Variants in SLC7A2 observed in about 807,000 individuals in gnomAD.
SLC7A2 encodes solute carrier family 7 member 2, also known as cationic amino acid transporter 2.
Under a neutral mutation model 58.9 loss-of-function variants are expected in SLC7A2, and 48 were observed. The observed-to-expected ratio is 0.82, with a 90% CI of 0.65 to 1.04. SLC7A2 has a LOEUF of 1.04. Ranked by LOEUF, SLC7A2 falls within the 50% of genes least tolerant of loss-of-function variation. The probability of loss-of-function intolerance (pLI) is 0.00; values close to 1 mark genes in which losing one functional copy is unlikely to be tolerated. For synonymous variants in SLC7A2, 363 were observed against 314.5 expected (o/e 1.15, Z -1.63); for missense variants, 1,029 against 818.8 (o/e 1.26, Z -3.13).
intron 9 of SLC7A2, among the ~76,000 whole-genome samples, chr8:17,559,710 G>A (rs1055566675): frequency 1.3e-5 from 2 of 152,186 alleles, no homozygotes; most frequent in Non-Finnish European, 2.9e-5. Flanking sequence ...TGGGGATTAT[G>A]GGAACTACAA....
intron 2 of SLC7A2, among the ~76,000 whole-genome samples, chr8:17,509,606 A>G (rs2517230): frequency 2.0e-5 from 3 of 152,056 alleles, no homozygotes; most frequent in Non-Finnish European, 4.4e-5. Context: ...ACGCCCAACA[A>G]TTTCTTTATT....
intron 2 of SLC7A2, among the ~76,000 whole-genome samples, chr8:17,533,663 C>A (rs541604037): frequency 4.6e-5 from 7 of 152,204 alleles, no homozygotes; most frequent in Non-Finnish European, 8.8e-5. Flanking sequence ...TTCTTATACT[C>A]CACTACCCTC....
Position 17,498,045 on chromosome 8 carries a change from GC to G in SLC7A2, c.-69+810del, listed in dbSNP as rs373510709. On this transcript the variant is annotated intron_variant, in intron 1 of 12. Coordinates refer to ENST00000494857, the MANE Select transcript of SLC7A2 (RefSeq NM_001370338.1). ...TCGAAAAGAAATATGCTCAGCAAAA[GC>G]CACAATCATATGTGGCTTTTGAAGT... Among the ~76,000 whole-genome samples, 37 of 152,234 alleles carry G rather than the reference GC, an allele frequency of 2.4e-4. No individual in the cohort carries two copies. The South Asian group carries it at 4.8e-3, about 20-fold the overall frequency.
At chr8:17,521,026 AACAC>A (rs577330667) in intron 2 of SLC7A2, among the ~76,000 whole-genome samples, 104 of 152,338 alleles carry the variant, frequency 6.8e-4, no homozygotes, top group African/African-American at 2.2e-3. Context: ...TTAGAAAGAA[AACAC>A]ATAGTACCAT....
At position 17,560,851 on chromosome 8, in the gene SLC7A2, C is replaced by T. The variant is rs139498210; in HGVS notation, c.1504+318C>T. ...TCAGGCCACGTACCCCTGCCAATAA[C>T]CTGACTGGAACCCGATGGAATTGTC... On this transcript the variant is annotated intron_variant, in intron 10 of 12. Transcript: ENST00000494857. Among the ~76,000 whole-genome samples the T allele has an allele frequency of 2.0e-4, 30 of 152,324 alleles. No homozygotes were observed. The East Asian group carries it at 5.4e-3, about 27-fold the overall frequency.
chr8:17,525,343 A>G (rs1424979475), intron 2 of SLC7A2, among the ~76,000 whole-genome samples: 1 of 152,214 alleles, frequency 6.6e-6, no homozygotes, highest in Non-Finnish European at 1.5e-5. Context: ...ATATTAAAAC[A>G]TCATGATGTA....
At chr8:17,560,933 A>G (rs1802949404) in intron 10 of SLC7A2, among the ~76,000 whole-genome samples, 1 of 152,108 alleles carries the variant, frequency 6.6e-6, no homozygotes, top group Non-Finnish European at 1.5e-5. Context: ...ATTCATTCAT[A>G]TTTTCAATGA....
chr8:17,550,310 T>G lies in SLC7A2; in HGVS notation c.708T>G (p.Pro236=), dbSNP rs763293231. 1.2e-6 allele frequency: 2 copies of G among 1,613,736 alleles called. No individual in the cohort carries two copies. The highest frequency in any genetic ancestry group is 3.3e-5 in the Admixed American group (2 of 59,896). ...KNISASAREP[P]SENGTSIYGA... The stretch of plus-strand genomic sequence containing the variant: ...TTGTTCTCTTTCTTAGAGAGCCACC[T>G]TCTGAAAACGGAACAAGTATCTATG... The change falls in exon 6 of 13, where the codon CCT becomes CCG. Residue 236 remains proline (P), a synonymous_variant. Coordinates refer to ENST00000494857, the MANE Select transcript of SLC7A2 (RefSeq NM_001370338.1).
intron 2 of SLC7A2, 95 bp from the exon 3 acceptor site, chr8:17,543,223 C>G: frequency 8.8e-7 from 1 of 1,133,970 alleles, no homozygotes; most frequent in East Asian, 2.4e-5. Flanking sequence ...CACAAACACA[C>G]ACACACACAT....
chr8:17,564,870 T>A, intron 12 of SLC7A2, 80 bp from the exon 13 acceptor site: 2 of 1,185,212 alleles, frequency 1.7e-6, no homozygotes, highest in Non-Finnish European at 2.3e-6. Context: ...TATTAAGTTC[T>A]ACATTTTCCA....
chr8:17,556,181 G>T (rs898533661), intron 8 of SLC7A2, among the ~76,000 whole-genome samples: 1 of 152,134 alleles, frequency 6.6e-6, no homozygotes, highest in Non-Finnish European at 1.5e-5. Context: ...TTGCCCAGAT[G>T]ATGTGAAGCC....
chr8:17,528,404 A>G (rs1188322665), intron 2 of SLC7A2, among the ~76,000 whole-genome samples: 1 of 151,828 alleles, frequency 6.6e-6, no homozygotes, highest in Non-Finnish European at 1.5e-5. Context: ...GTTTTTTTAG[A>G]GACAGGGTCT....
At chr8:17,523,031 T>A (rs1025248163) in intron 2 of SLC7A2, among the ~76,000 whole-genome samples, 7 of 151,928 alleles carry the variant, frequency 4.6e-5, no homozygotes, top group African/African-American at 1.5e-4. Context: ...GGAGACCCTG[T>A]ATCAAAAAAT....
chr8:17,510,229 A>AAATAATAATAATAAT (rs56122987), intron 2 of SLC7A2, among the ~76,000 whole-genome samples: 12 of 149,276 alleles, frequency 8.0e-5, no homozygotes, highest in African/African-American at 2.5e-4. Context: ...CAAAATAAAC[A>AAATAATAATAATAAT]AATAATAATA....
intron 2 of SLC7A2, among the ~76,000 whole-genome samples, chr8:17,522,759 G>C (rs1471972284): frequency 1.3e-5 from 2 of 152,072 alleles, no homozygotes; most frequent in Non-Finnish European, 2.9e-5. Context: ...GGGTTGGCTG[G>C]GTACAGTGGC....
intron 11 of SLC7A2, 147 bp from the exon 12 acceptor site, chr8:17,563,456 C>T: frequency 1.7e-6 from 1 of 578,988 alleles, no homozygotes; most frequent in Non-Finnish European, 3.1e-6. Context: ...TGTGATTCTC[C>T]TTTTATGGTC....
intron 12 of SLC7A2, among the ~76,000 whole-genome samples, chr8:17,564,436 C>T (rs1053934588): frequency 2.0e-5 from 3 of 152,126 alleles, no homozygotes; most frequent in African/African-American, 7.2e-5. Flanking sequence ...TCAAGGACAC[C>T]TTCTGTGGGG....
At chr8:17,562,486 T>C (rs951694183) in intron 11 of SLC7A2, among the ~76,000 whole-genome samples, 1 of 152,100 alleles carries the variant, frequency 6.6e-6, no homozygotes, top group Non-Finnish European at 1.5e-5. Context: ...ATTATATGTG[T>C]GAGCCACCGT....
rs745904036 is a variant in SLC7A2, at chr8:17,551,856, G to A, written c.925G>A (p.Ala309Thr). 6.2e-7 allele frequency: 1 copy of A among 1,613,888 alleles called. No individual in the cohort carries two copies. Among genetic ancestry groups the A allele is most frequent in the East Asian group, 2.2e-5 (1 of 44,850 alleles). The change falls in exon 7 of 13, where the codon GCT becomes ACT. Residue 309 changes from alanine (A) to threonine (T), a missense_variant. Ala to Thr is a moderately conservative substitution (Grantham distance 58). Coordinates refer to ENST00000494857, the MANE Select transcript of SLC7A2 (RefSeq NM_001370338.1). ...TATGGCCTATTTTGGGGTCTCTGCA[G>A]CTTTAACACTTATGATGCCGTACTA... Reference protein sequence around the residue: ...CFMAYFGVSAALTLMMPYYLL... With the variant: ...CFMAYFGVSATLTLMMPYYLL...
Sources: allele counts gnomAD v4.1 joint callset (sites outside exome capture counted in the v4.1 genomes callset), GRCh38; gene constraint gnomAD v4.1.1; transcripts MANE v1.5; gene names NCBI Gene and HGNC (gene_info 2026-07-23, HGNC 2026-07-21).